FSD1L: variants seen among roughly 807,000 people sequenced by gnomAD.
FSD1L encodes fibronectin type III and SPRY domain containing 1 like.
A neutral mutation model predicts 71.6 loss-of-function variants in FSD1L; 45 were observed. That is an observed-to-expected ratio of 0.63 (90% CI 0.49 to 0.81). The LOEUF is 0.81. Among genes scored for constraint, FSD1L ranks in the 30% least tolerant of loss-of-function variants. The probability of loss-of-function intolerance (pLI) is 0.00; values close to 1 mark genes in which losing one functional copy is unlikely to be tolerated. For missense variants in FSD1L, 561 were observed against 618.1 expected, an observed-to-expected ratio of 0.91 and a Z score of 0.98; for synonymous variants, 197 against 207.2, an observed-to-expected ratio of 0.95 and a Z score of 0.42.
At chr9:105,464,163 A>C in intron 2 of FSD1L, 73 bp from the exon 3 acceptor site, 3 of 769,970 alleles carry the variant, frequency 3.9e-6, no homozygotes, top group Non-Finnish European at 6.5e-6. Flanking sequence ...AAGTTTGTTT[A>C]GAGAATGCTT....
chr9:105,498,558 G>T (rs1472419242), intron 7 of FSD1L, among the ~76,000 whole-genome samples: 3 of 152,108 alleles, frequency 2.0e-5, no homozygotes, highest in Non-Finnish European at 1.5e-5. Flanking sequence ...ATATGGTATT[G>T]TAATTTTATG....
At chr9:105,522,719 T>C in intron 10 of FSD1L, 1 of 1,605,912 alleles carries the variant, frequency 6.2e-7, no homozygotes, top group Admixed American at 1.7e-5. Context: ...AAAAACTGCC[T>C]CCTCTTAATA....
chr9:105,454,787 A>T lies in FSD1L; in HGVS notation c.15+6552A>T, dbSNP rs114969643. On this transcript the variant is annotated intron_variant, in intron 1 of 13. Transcript: ENST00000481272. ...ATCTTAAACTGGGTTCAGGGCAGAA[A>T]GGCAGCATTCCCCAGCCAGTTCTTT... 9.2e-3 allele frequency among the ~76,000 whole-genome samples: 1,405 copies of T among 152,332 alleles called. 22 individuals are homozygous for T. Among genetic ancestry groups the T allele is most frequent in the African/African-American group, 0.032 (1,345 of 41,568 alleles).
At chr9:105,538,876 A>G (rs1312367967) in intron 12 of FSD1L, among the ~76,000 whole-genome samples, 1 of 152,212 alleles carries the variant, frequency 6.6e-6, no homozygotes, top group African/African-American at 2.4e-5. Flanking sequence ...TTAATAGAGT[A>G]AACCTTAAAT....
chr9:105,500,587 AAATACTTCCTTTTCTCCTCCCC>A (rs1178931561), intron 7 of FSD1L: 2 of 152,190 alleles, frequency 1.3e-5, no homozygotes, highest in Admixed American at 1.3e-4. Context: ...ATGTATTTCA[AAATACTTCCTTTTCTCCTCCCC>A]CTGCTGTGGA....
rs1435761370 is a variant in FSD1L at position 105,545,650 on chromosome 9, G to T, written c.1468-708G>T. Among the ~76,000 whole-genome samples the T allele has an allele frequency of 3.6e-3, 538 of 150,606 alleles. 1 individual carries two copies. The highest frequency in any genetic ancestry group is 0.013 in the African/African-American group (520 of 40,038). On this transcript the variant is annotated intron_variant, in intron 13 of 13. Transcript: ENST00000481272. Reference sequence around the variant, plus strand: ...TAGCATGAAGGGCTGTCGAATTTTGGTAAAGGCCTTTTCTGCATCTATTGA... The same window carrying T: ...TAGCATGAAGGGCTGTCGAATTTTGTTAAAGGCCTTTTCTGCATCTATTGA...
chr9:105,483,781 A>C (rs2131705295), intron 6 of FSD1L, among the ~76,000 whole-genome samples: 1 of 152,154 alleles, frequency 6.6e-6, no homozygotes, highest in South Asian at 2.1e-4. Context: ...CCTATAGCTG[A>C]TGTTGATAGA....
At position 105,546,392 on chromosome 9, in the gene FSD1L, T is replaced by C. The variant is rs1837008160; in HGVS notation, c.1502T>C (p.Met501Thr). Reference sequence around the variant, plus strand: ...GGTGGACTTTCTTTGAGTACTGGGATGCAGGTTCCAAGTGCTGTGAGAACA... The same window carrying C: ...GGTGGACTTTCTTTGAGTACTGGGACGCAGGTTCCAAGTGCTGTGAGAACA... ...WCGGLSLSTG[M>T]QVPSAVRTLQ... The change falls in exon 14 of 14, where the codon ATG becomes ACG. Residue 501 changes from methionine to threonine, a missense_variant. Coordinates refer to ENST00000481272, the MANE Select transcript of FSD1L (RefSeq NM_001145313.3). 1 of 1,550,228 alleles carries C rather than the reference T, an allele frequency of 6.5e-7. No individual in the cohort carries two copies. The highest frequency in any genetic ancestry group is 8.7e-7 in the Non-Finnish European group (1 of 1,146,026).
intron 7 of FSD1L, among the ~76,000 whole-genome samples, chr9:105,485,567 G>T (rs1283693839): frequency 6.7e-5 from 7 of 104,646 alleles, no homozygotes; most frequent in East Asian, 3.4e-4. Context: ...GCATCATGTT[G>T]CTGATAACTA....
At chr9:105,501,464 C>T (rs990358655) in intron 7 of FSD1L, among the ~76,000 whole-genome samples, 3 of 152,074 alleles carry the variant, frequency 2.0e-5, no homozygotes, top group Non-Finnish European at 4.4e-5. Context: ...TTCTCTATCA[C>T]CCAGGCTGGA....
intron 7 of FSD1L, among the ~76,000 whole-genome samples, chr9:105,503,426 A>G (rs1333496509): frequency 1.3e-5 from 2 of 152,236 alleles, no homozygotes; most frequent in African/African-American, 2.4e-5. Flanking sequence ...AATGACAATT[A>G]CAAAGTCATT....
At position 105,535,329 on chromosome 9, in the gene FSD1L, T is replaced by C; in HGVS notation, c.1378+11T>C. 1 of 1,551,016 alleles carries C rather than the reference T, an allele frequency of 6.4e-7. No individual in the cohort carries two copies. Among genetic ancestry groups the C allele is most frequent in the Non-Finnish European group, 8.7e-7 (1 of 1,146,722 alleles). Reference sequence around the variant, plus strand: ...GTGATTTTGATGGGGGTAAGTTTATTTTCTCGTAGGTTATTTCATCATAGT... The same window carrying C: ...GTGATTTTGATGGGGGTAAGTTTATCTTCTCGTAGGTTATTTCATCATAGT... On this transcript the variant is annotated intron_variant, in intron 12 of 13. Coordinates refer to ENST00000481272, the MANE Select transcript of FSD1L (RefSeq NM_001145313.3).
rs1357963119 is a variant in FSD1L, at chr9:105,521,993, A to C, written c.1025+9057A>C. ...TATCAATGGACAAAAAGACTTGGGA[A>C]CACATGCTGCTTGTGTTGCTCAGAG... On this transcript the variant is annotated intron_variant, in intron 10 of 13. Transcript: ENST00000481272. 8 of 1,613,272 alleles carry C rather than the reference A, an allele frequency of 5.0e-6. No individual in the cohort carries two copies. The East Asian group carries it at 8.9e-5, about 18-fold the overall frequency.
chr9:105,533,096 A>C (rs1380909825), intron 10 of FSD1L, among the ~76,000 whole-genome samples: 1 of 152,124 alleles, frequency 6.6e-6, no homozygotes, highest in Non-Finnish European at 1.5e-5. Flanking sequence ...TGTTAGAAAA[A>C]AGTGTTTTTA....
intron 10 of FSD1L, among the ~76,000 whole-genome samples, chr9:105,527,319 A>G (rs922442174): frequency 4.6e-5 from 7 of 151,386 alleles, no homozygotes; most frequent in African/African-American, 1.7e-4. Flanking sequence ...AGCACCAAAA[A>G]GAAGATGGGG....
intron 12 of FSD1L, among the ~76,000 whole-genome samples, chr9:105,535,524 A>G (rs975477895): frequency 6.6e-6 from 1 of 152,162 alleles, no homozygotes; most frequent in Non-Finnish European, 1.5e-5. Flanking sequence ...AAAAGCACTC[A>G]TTTATAATAT....
At position 105,512,899 on chromosome 9, in the gene FSD1L, C is replaced by T; in HGVS notation, c.988C>T (p.Gln330Ter). Residue 330 changes from glutamine (Q) to a stop codon, truncating the protein, a stop_gained, in exon 10 of 14, where the codon CAA becomes TAA. Transcript: ENST00000481272. LOFTEE classifies it high-confidence loss of function. ...VEWDPTGGKG[Q>*]ESKIKGKENK... Reference sequence around the variant, plus strand: ...GTGGGATCCTACTGGAGGAAAAGGTCAAGAAAGTAAAATTAAAGGAAAAGA... The same window carrying T: ...GTGGGATCCTACTGGAGGAAAAGGTTAAGAAAGTAAAATTAAAGGAAAAGA... 6.5e-7 allele frequency: 1 copy of T among 1,538,868 alleles called. No individual in the cohort carries two copies. The highest frequency in any genetic ancestry group is 1.2e-5 in the South Asian group (1 of 81,326).
intron 7 of FSD1L, among the ~76,000 whole-genome samples, chr9:105,498,757 T>C (rs1389521692): frequency 6.6e-6 from 1 of 152,220 alleles, no homozygotes; most frequent in African/African-American, 2.4e-5. Context: ...CTCTTGAGAT[T>C]TATTCTTTGA....
chr9:105,472,769 A>G (rs565681289), intron 5 of FSD1L: 18 of 152,330 alleles, frequency 1.2e-4, no homozygotes, highest in African/African-American at 4.1e-4. Context: ...AAGGTAGAAA[A>G]AACTTCCTTG....
Sources: gnomAD v4.1 joint callset for allele counts (sites outside exome capture counted in the v4.1 genomes callset) on GRCh38, gnomAD v4.1.1 for gene constraint, MANE v1.5 for transcripts, NCBI Gene and HGNC (gene_info 2026-07-23, HGNC 2026-07-21) for gene names.